The following SETBP1 variants were observed in gnomAD, a reference collection of about 807,000 sequenced individuals.
SETBP1 encodes SET binding protein 1, also known as SET-binding protein.
Under a neutral mutation model 101.0 loss-of-function variants are expected in SETBP1, and 9 were observed. The observed-to-expected ratio is 0.09, with a 90% CI of 0.05 to 0.16. The LOEUF is 0.16. Among genes scored for constraint, SETBP1 ranks in the 10% least tolerant of loss-of-function variants. The pLI is 1.00. For synonymous variants in SETBP1, 818 were observed against 788.5 expected (o/e 1.04, Z -0.63); for missense variants, 1,858 against 2,033.8 (o/e 0.91, Z 1.66).
chr18:44,950,083 C>A lies in SETBP1; in HGVS notation c.743C>A (p.Thr248Asn). Residue 248 changes from threonine (T) to asparagine (N), a missense_variant, in exon 4 of 6, where the codon ACC becomes AAC. Physicochemically the swap from Thr to Asn is moderately conservative, Grantham distance 65. This residue lies in a region of SETBP1 where 581 missense variants were observed against 535.1 expected (regional missense o/e 1.09). Coordinates refer to ENST00000649279, the MANE Select transcript of SETBP1 (RefSeq NM_015559.3). ...SPESGRETAS[T>N]SKIPALEPVA... ...GAGTCTGGCAGAGAAACTGCAAGCA[C>A]CAGCAAGATCCCCGCTCTTGAGCCC... 6.2e-7 allele frequency: 1 copy of A among 1,614,184 alleles called. No homozygotes were observed. Among genetic ancestry groups the A allele is most frequent in the South Asian group, 1.1e-5 (1 of 91,080 alleles).
chr18:45,041,023 G>C (rs1167426741), intron 5 of SETBP1, among the ~76,000 whole-genome samples: 1 of 152,182 alleles, frequency 6.6e-6, no homozygotes, highest in Non-Finnish European at 1.5e-5. Context: ...AAACACACAG[G>C]CTGGGCTTGT....
intron 3 of SETBP1, among the ~76,000 whole-genome samples, chr18:44,873,414 T>C (rs889977540): frequency 6.6e-6 from 1 of 152,158 alleles, no homozygotes; most frequent in African/African-American, 2.4e-5. Flanking sequence ...AAATGCACAG[T>C]GAGGTATTGT....
chr18:44,875,776 C>G (rs1358435173), intron 3 of SETBP1, among the ~76,000 whole-genome samples: 1 of 152,150 alleles, frequency 6.6e-6, no homozygotes, highest in South Asian at 2.1e-4. Context: ...CCCCATTTTA[C>G]AAGTCAGCAC....
At chr18:45,043,212 T>C (rs1234947978) in intron 5 of SETBP1, among the ~76,000 whole-genome samples, 1 of 152,196 alleles carries the variant, frequency 6.6e-6, no homozygotes, top group African/African-American at 2.4e-5. Flanking sequence ...TTTCCCCTTA[T>C]ATTTAAGATG....
chr18:45,038,761 A>G (rs1027853401), intron 5 of SETBP1, 106 bp downstream of exon 5: 1 of 1,209,100 alleles, frequency 8.3e-7, no homozygotes, highest in African/African-American at 1.5e-5. Flanking sequence ...CTGTTTTGCC[A>G]TCCTCCCCTA....
chr18:44,687,683 AG>A (rs990166221), intron 1 of SETBP1, among the ~76,000 whole-genome samples: 1 of 152,192 alleles, frequency 6.6e-6, no homozygotes, highest in African/African-American at 2.4e-5. Flanking sequence ...GACAGTTTCT[AG>A]GAAGTCCAGA....
intron 4 of SETBP1, among the ~76,000 whole-genome samples, chr18:44,999,158 T>C (rs2072562881): frequency 6.6e-6 from 1 of 152,176 alleles, no homozygotes; most frequent in African/African-American, 2.4e-5. Flanking sequence ...GACTCACGTA[T>C]GTGTGATTCC....
chr18:44,965,284 AAC>A lies in SETBP1; in HGVS notation c.4000+11972_4000+11973del, dbSNP rs60728043. ...AGACAGAGACAGACACATGCACACA[AAC>A]ACACACACACACACACACACACACA... On this transcript the variant is annotated intron_variant, in intron 4 of 5. Transcript: ENST00000649279. Among the ~76,000 whole-genome samples, 624 of 147,126 alleles carry A rather than the reference AAC, an allele frequency of 4.2e-3. 3 individuals carry two copies. Among genetic ancestry groups the A allele is most frequent in the African/African-American group, 0.014 (554 of 39,798 alleles).
chr18:44,968,002 A>C (rs529013460), intron 4 of SETBP1, among the ~76,000 whole-genome samples: 11 of 152,220 alleles, frequency 7.2e-5, no homozygotes, highest in African/African-American at 2.6e-4. Flanking sequence ...CTTGTGGATA[A>C]GTTTGAAAAT....
chr18:44,981,757 T>G (rs1599406653), intron 4 of SETBP1, among the ~76,000 whole-genome samples: 1 of 152,332 alleles, frequency 6.6e-6, no homozygotes, highest in East Asian at 1.9e-4. Flanking sequence ...TTTGGTTGCT[T>G]CTTTTTCCCC....
In SETBP1 at chr18:45,063,468, C is replaced by T. The variant is rs1406819303; in HGVS notation, c.4561C>T (p.Pro1521Ser). Residue 1521 changes from proline to serine, a missense_variant, in exon 6 of 6, where the codon CCC (proline) becomes TCC (serine). Physicochemically the swap from Pro to Ser is moderately conservative, Grantham distance 74 (BLOSUM62 -1). This residue lies in a region of SETBP1 where 178 missense variants were observed against 189.1 expected (regional missense o/e 0.94). Transcript: ENST00000649279. ...CATCCACATGGCCCGGGAGGCGCCG[C>T]CCCTGCCCCCGCCACCGCCGCCGCC... is the stretch of plus-strand genomic sequence containing the variant. The part of the protein sequence containing the change: ...AVIHMAREAP[P>S]LPPPPPPPLP... The T allele has an allele frequency of 6.9e-7, 1 of 1,456,278 alleles. No individual in the cohort carries two copies. Among genetic ancestry groups the T allele is most frequent in the East Asian group, 2.5e-5 (1 of 39,774 alleles). 90.2% of individuals were successfully genotyped at this position (1,456,278 alleles called of 1,614,324 possible). A position where few individuals can be genotyped will look rare whatever the true frequency, so the allele number is the denominator to read the frequency against.
At chr18:44,931,615 G>A (rs940955957) in intron 3 of SETBP1, among the ~76,000 whole-genome samples, 1 of 152,170 alleles carries the variant, frequency 6.6e-6, no homozygotes, top group Non-Finnish European at 1.5e-5. Flanking sequence ...TTATGAAGCT[G>A]GGTGCTCCTG....
At chr18:44,981,733 A>G (rs2072117457) in intron 4 of SETBP1, among the ~76,000 whole-genome samples, 1 of 152,234 alleles carries the variant, frequency 6.6e-6, no homozygotes, top group African/African-American at 2.4e-5. Flanking sequence ...AGAATTTTAA[A>G]GCATGTGCCC....
chr18:44,937,316 G>A (rs970367046), intron 3 of SETBP1, among the ~76,000 whole-genome samples: 4 of 151,160 alleles, frequency 2.6e-5, no homozygotes, highest in South Asian at 2.1e-4. Flanking sequence ...TTAGCCGGGC[G>A]TAGTGGCGGG....
chr18:44,725,272 A>G (rs951118281), intron 2 of SETBP1, among the ~76,000 whole-genome samples: 4 of 152,174 alleles, frequency 2.6e-5, no homozygotes, highest in Non-Finnish European at 5.9e-5. Flanking sequence ...AGTTTGGGGA[A>G]TAATTTCATA....
intron 2 of SETBP1, among the ~76,000 whole-genome samples, chr18:44,738,755 CAG>C (rs1368298207): frequency 7.6e-6 from 1 of 131,962 alleles, no homozygotes; most frequent in African/African-American, 2.9e-5. Flanking sequence ...GCCTGGGTGA[CAG>C]AGCGAGACTC....
At chr18:44,832,048 A>T (rs546167728) in intron 2 of SETBP1, among the ~76,000 whole-genome samples, 4 of 152,364 alleles carry the variant, frequency 2.6e-5, no homozygotes, top group African/African-American at 9.6e-5. Context: ...GTTGATTTTT[A>T]AAATGCTAAG....
intron 4 of SETBP1, among the ~76,000 whole-genome samples, chr18:45,037,821 C>T (rs968418909): frequency 1.3e-5 from 2 of 152,156 alleles, no homozygotes; most frequent in Non-Finnish European, 2.9e-5. Flanking sequence ...GCTGATGACA[C>T]ACTAATCCCC....
intron 4 of SETBP1, among the ~76,000 whole-genome samples, chr18:45,002,131 C>T (rs1052295249): frequency 1.3e-5 from 2 of 152,190 alleles, no homozygotes; most frequent in Non-Finnish European, 2.9e-5. Context: ...CCCTGGCTCC[C>T]TGCCCTGCCA....
Sources: allele counts gnomAD v4.1 joint callset (sites outside exome capture counted in the v4.1 genomes callset), GRCh38; gene constraint gnomAD v4.1.1; regional missense constraint gnomAD v4.1.1; transcripts MANE v1.5; gene names NCBI Gene and HGNC (gene_info 2026-07-23, HGNC 2026-07-21).